The following MEF2C variants were observed in gnomAD, a reference collection of about 807,000 sequenced individuals.
MEF2C encodes myocyte enhancer factor 2C, also known as myocyte-specific enhancer factor 2C.
In MEF2C, 6 loss-of-function variants were observed where a neutral mutation model predicts 50.5. The observed-to-expected ratio is 0.12, with a 90% confidence interval of 0.07 to 0.23. MEF2C has a LOEUF of 0.23. MEF2C is among the 10% of genes least tolerant of loss of function. MEF2C has a pLI of 1.00. For missense variants in MEF2C, 276 were observed against 605.0 expected (o/e 0.46, Z 5.70); for synonymous variants, 183 against 228.0 (o/e 0.80, Z 1.78).
rs1280465061 is a variant in MEF2C, at chr5:88,843,543, A to AT, written c.-142-19614dup. The AT allele has an allele frequency of 9.1e-6, 8 of 877,464 alleles. No homozygotes were observed. In the South Asian group the frequency reaches 2.6e-4, roughly 29 times the overall value. 54.4% of individuals were successfully genotyped at this position (877,464 alleles called of 1,614,324 possible). On this transcript the variant is annotated intron_variant, in intron 1 of 10. Transcript: ENST00000504921. The stretch of plus-strand genomic sequence containing the variant: ...GAAATTCAAGTTTTATACCTTATTC[A>AT]TTTTTTCTAAGACTCAATTTCTCCA...
intron 1 of MEF2C, among the ~76,000 whole-genome samples, chr5:88,895,591 G>A (rs1279922311): frequency 1.3e-5 from 2 of 152,106 alleles, no homozygotes; most frequent in African/African-American, 4.8e-5. Context: ...GCTCTTATCT[G>A]TGTAGCATAT....
intron 1 of MEF2C, among the ~76,000 whole-genome samples, chr5:88,869,260 T>TATACAC (rs1828446213): frequency 3.2e-5 from 2 of 62,132 alleles, no homozygotes; most frequent in African/African-American, 8.5e-5. Context: ...TTCATATATA[T>TATACAC]ATATATATAT....
chr5:88,828,130 G>A (rs896904502), intron 1 of MEF2C, among the ~76,000 whole-genome samples: 12 of 151,858 alleles, frequency 7.9e-5, no homozygotes, highest in Admixed American at 3.3e-4. Flanking sequence ...CATATCAAGC[G>A]TATCTGAGTC....
At chr5:88,864,299 C>T (rs190458199) in intron 1 of MEF2C, among the ~76,000 whole-genome samples, 3 of 151,202 alleles carry the variant, frequency 2.0e-5, no homozygotes, top group Admixed American at 6.6e-5. Context: ...TCACATGTAC[C>T]CTATCAATAT....
At chr5:88,749,493 T>C in intron 5 of MEF2C, 1 of 984,992 alleles carries the variant, frequency 1.0e-6, no homozygotes, top group Non-Finnish European at 1.2e-6. Flanking sequence ...TAGTTCTTTG[T>C]AAATATGTTT....
Position 88,721,387 on chromosome 5 carries a change from G to T in MEF2C, c.*1217C>A, listed in dbSNP as rs1253161949. 1 of 152,604 alleles carries T rather than the reference G, an allele frequency of 6.6e-6. No homozygotes were observed. The highest frequency in any genetic ancestry group is 2.4e-5 in the African/African-American group (1 of 41,440). The allele number at this position is 152,604 out of a possible 1,614,324, so 9.5% of individuals were successfully genotyped here. A position where few individuals can be genotyped will look rare whatever the true frequency, so the allele number is the denominator to read the frequency against. ...TCAGTTGACCCAATAGATTGCTAATGTATTAAAAACAATTTAGGGTGTTGC... is the reference window on the plus strand; with the variant it reads ...TCAGTTGACCCAATAGATTGCTAATTTATTAAAAACAATTTAGGGTGTTGC... On this transcript the variant is annotated 3_prime_UTR_variant, in exon 11 of 11. Transcript: ENST00000504921.
intron 6 of MEF2C, chr5:88,737,955 G>A (rs766623477): frequency 8.7e-5 from 86 of 985,150 alleles, no homozygotes; most frequent in Non-Finnish European, 1.0e-4. Flanking sequence ...CAGTGGAAAG[G>A]AGAGACAAAA....
At chr5:88,783,055 T>C (rs1277036613) in intron 3 of MEF2C, among the ~76,000 whole-genome samples, 1 of 152,248 alleles carries the variant, frequency 6.6e-6, no homozygotes, top group Non-Finnish European at 1.5e-5. Flanking sequence ...TTTTCATCAA[T>C]TGATATCCAT....
intron 3 of MEF2C, among the ~76,000 whole-genome samples, chr5:88,790,946 T>C (rs1793470801): frequency 6.6e-6 from 1 of 152,096 alleles, no homozygotes; most frequent in Non-Finnish European, 1.5e-5. Context: ...AAATAAACAC[T>C]CCTTAATGAA....
intron 1 of MEF2C, among the ~76,000 whole-genome samples, chr5:88,881,819 A>T (rs1832971301): frequency 6.6e-6 from 1 of 151,932 alleles, no homozygotes; most frequent in Admixed American, 6.6e-5. Context: ...TTCATAAGAC[A>T]GTTACTATTA....
chr5:88,807,269 G>A (rs1346418862), intron 2 of MEF2C, among the ~76,000 whole-genome samples: 1 of 152,034 alleles, frequency 6.6e-6, no homozygotes, highest in East Asian at 1.9e-4. Flanking sequence ...CGTCTCCTAG[G>A]CTGGAGTGTA....
rs113833788 is a variant in MEF2C, at chr5:88,798,814, G to A, written c.258+5784C>T. Among the ~76,000 whole-genome samples, 520 of 152,272 alleles carry A rather than the reference G, an allele frequency of 3.4e-3. 3 individuals are homozygous for A. The highest frequency in any genetic ancestry group is 0.012 in the African/African-American group (493 of 41,550). On this transcript the variant is annotated intron_variant, in intron 3 of 10. Transcript: ENST00000504921. ...TGGTCTTTGATGCTGGTGACCTTTGGATGGGGTTTTGGTGCAGACATCCTT... is the reference window on the plus strand; with the variant it reads ...TGGTCTTTGATGCTGGTGACCTTTGAATGGGGTTTTGGTGCAGACATCCTT...
At chr5:88,861,556 T>C (rs902679338) in intron 1 of MEF2C, among the ~76,000 whole-genome samples, 2 of 152,082 alleles carry the variant, frequency 1.3e-5, no homozygotes, top group Non-Finnish European at 2.9e-5. Context: ...GAAAAAAAAA[T>C]TCATATGGAC....
At chr5:88,883,226 T>TGCGCGCGCGCGAGGGGAGC (rs2150132770), upstream of MEF2C, 1 of 126,304 alleles carries the variant, frequency 7.9e-6, no homozygotes, top group Non-Finnish European at 1.6e-5. Context: ...TGTGCGTGTG[T>TGCGCGCGCGCGAGGGGAGC]GCGCGCGCGC....
chr5:88,781,958 G>A (rs1788297451), intron 3 of MEF2C: 1 of 235,228 alleles, frequency 4.3e-6, no homozygotes, highest in Admixed American at 6.5e-5. Context: ...GGGCAACAGA[G>A]TGAGACTCTG....
chr5:88,722,964 G>A (rs756787888), intron 10 of MEF2C, 39 bp from the exon 11 acceptor site: 2 of 1,488,670 alleles, frequency 1.3e-6, no homozygotes, highest in Non-Finnish European at 1.8e-6. Flanking sequence ...GATGAAGGAG[G>A]CCTGGAGGCC....
At chr5:88,876,691 CCTT>C (rs1415556418) in intron 1 of MEF2C, among the ~76,000 whole-genome samples, 1 of 151,960 alleles carries the variant, frequency 6.6e-6, no homozygotes, top group Non-Finnish European at 1.5e-5. Context: ...CTCTTGCTAT[CCTT>C]CTAACTTGCT....
At chr5:88,729,400 A>G (rs568032169) in intron 8 of MEF2C, 53 bp from the exon 9 acceptor site, 2 of 1,457,848 alleles carry the variant, frequency 1.4e-6, no homozygotes, top group Non-Finnish European at 1.9e-6. Flanking sequence ...AAAGTTAAAA[A>G]TATTAGATTT....
chr5:88,889,941 G>T (rs897121869), intron 1 of MEF2C, among the ~76,000 whole-genome samples: 1 of 152,180 alleles, frequency 6.6e-6, no homozygotes, highest in East Asian at 1.9e-4. Context: ...GTCTGGTGAC[G>T]CAGGCTGCCC....
Sources: gnomAD v4.1 joint callset for allele counts (sites outside exome capture counted in the v4.1 genomes callset) on GRCh38, gnomAD v4.1.1 for gene constraint, MANE v1.5 for transcripts, NCBI Gene and HGNC (gene_info 2026-07-23, HGNC 2026-07-21) for gene names.